ZFAT: variants seen among roughly 807,000 people sequenced by gnomAD.
ZFAT encodes zinc finger protein ZFAT.
ZFAT carries 64 observed loss-of-function variants against 117.7 expected under a neutral mutation model. That is an observed-to-expected ratio of 0.54 (90% CI 0.44 to 0.67). ZFAT has a LOEUF of 0.67. Ranked by LOEUF, ZFAT falls within the 30% of genes least tolerant of loss-of-function variation. The pLI, the probability that ZFAT is intolerant of heterozygous loss-of-function variation, is 0.00. For synonymous variants in ZFAT, 679 were observed against 615.0 expected (o/e 1.10, Z -1.54); for missense variants, 1,433 against 1,584.5 (o/e 0.90, Z 1.62).
intron 11 of ZFAT, among the ~76,000 whole-genome samples, chr8:134,533,758 T>C (rs1821608216): frequency 6.6e-6 from 1 of 152,180 alleles, no homozygotes; most frequent in South Asian, 2.1e-4. Flanking sequence ...TCTTGCACAA[T>C]GCTTCGGAGG....
chr8:134,831,679 C>T, the ZFAT span, among the ~76,000 whole-genome samples: 2 of 152,154 alleles, frequency 1.3e-5, no homozygotes, highest in Non-Finnish European at 1.5e-5. Flanking sequence ...CCCCCCACTT[C>T]ACGAGCCCCG....
chr8:134,541,457 C>G (rs968476533), intron 11 of ZFAT, among the ~76,000 whole-genome samples: 15 of 152,128 alleles, frequency 9.9e-5, no homozygotes, highest in African/African-American at 3.4e-4. Flanking sequence ...GCCCCTTCAC[C>G]CTGAACTTCA....
At chr8:134,625,329 A>G (rs1238954994) in intron 3 of ZFAT, among the ~76,000 whole-genome samples, 2 of 152,182 alleles carry the variant, frequency 1.3e-5, no homozygotes, top group Non-Finnish European at 2.9e-5. Context: ...CCAGACCTCA[A>G]ATGTGCCTGC....
chr8:134,499,561 G>A (rs1339559439), intron 15 of ZFAT, among the ~76,000 whole-genome samples: 1 of 151,040 alleles, frequency 6.6e-6, no homozygotes, highest in Admixed American at 6.6e-5. Flanking sequence ...TGGTAGGGTC[G>A]GGGTGGAGCT....
chr8:134,512,722 A>G (rs2130392418), intron 13 of ZFAT, 121 bp from the exon 14 acceptor site: 3 of 1,265,930 alleles, frequency 2.4e-6, no homozygotes, highest in Non-Finnish European at 3.2e-6. Context: ...GCAACATCTC[A>G]TTTACCTGGC....
chr8:134,723,185 G>C, the ZFAT span: 1 of 152,378 alleles, frequency 6.6e-6, no homozygotes, highest in East Asian at 1.9e-4. Context: ...TCCAATCCCT[G>C]GAGTAACAGG....
chr8:134,670,011 G>T (rs1190485742), intron 1 of ZFAT, among the ~76,000 whole-genome samples: 3 of 152,108 alleles, frequency 2.0e-5, no homozygotes, highest in Admixed American at 1.3e-4. Context: ...AAGAAGGCCA[G>T]TACATAATGG....
chr8:134,689,357 C>T (rs1405845646), intron 1 of ZFAT, among the ~76,000 whole-genome samples: 1 of 152,260 alleles, frequency 6.6e-6, no homozygotes, highest in African/African-American at 2.4e-5. Flanking sequence ...AGCGGTAACA[C>T]TGTCACTGCC....
At chr8:134,819,496 A>ACCCCCCCCCCCCCCCCCCCCC in the ZFAT span, among the ~76,000 whole-genome samples, 3 of 39,332 alleles carry the variant, frequency 7.6e-5, no homozygotes, top group Non-Finnish European at 1.4e-4. Flanking sequence ...CGGATTTACC[A>ACCCCCCCCCCCCCCCCCCCCC]CCCCCCCCCC....
intron 11 of ZFAT, among the ~76,000 whole-genome samples, chr8:134,543,378 G>A (rs944264578): frequency 1.8e-4 from 27 of 152,274 alleles, no homozygotes; most frequent in Non-Finnish European, 3.5e-4. Flanking sequence ...GCACATGCAG[G>A]AGATGTGCAG....
At chr8:134,482,676 G>A (rs1563757311) in intron 15 of ZFAT, among the ~76,000 whole-genome samples, 1 of 152,214 alleles carries the variant, frequency 6.6e-6, no homozygotes, top group African/African-American at 2.4e-5. Flanking sequence ...GAATCCCCAT[G>A]AAATTCATCC....
chr8:134,667,796 C>T (rs185258491), intron 1 of ZFAT, among the ~76,000 whole-genome samples: 15 of 152,064 alleles, frequency 9.9e-5, no homozygotes, highest in African/African-American at 2.9e-4. Flanking sequence ...GAGTGTGAGC[C>T]GAAGCAGGGC....
chr8:134,502,396 G>A (rs771443752), intron 15 of ZFAT, among the ~76,000 whole-genome samples: 3 of 152,250 alleles, frequency 2.0e-5, no homozygotes, highest in African/African-American at 4.8e-5. Flanking sequence ...CTTGCAAACA[G>A]GCAACTGGTG....
chr8:134,787,354 T>C, the ZFAT span, among the ~76,000 whole-genome samples: 7 of 152,228 alleles, frequency 4.6e-5, no homozygotes, highest in African/African-American at 1.7e-4. Flanking sequence ...TCTATATATA[T>C]GGTATCAAGG....
In ZFAT at chr8:134,659,756, C is replaced by T. The variant is rs187921573; in HGVS notation, c.20-2019G>A. On this transcript the variant is annotated intron_variant, in intron 1 of 15. Coordinates refer to ENST00000377838, the MANE Select transcript of ZFAT (RefSeq NM_020863.4). ...TCCTCTTTACAGTAAAACTCTCCTA[C>T]CAGAAAGAGGAAATGAGGAAAGGCA... Among the ~76,000 whole-genome samples the T allele has an allele frequency of 1.5e-3, 226 of 152,298 alleles. 1 individual carries two copies. The highest frequency in any genetic ancestry group is 5.1e-3 in the African/African-American group (210 of 41,558).
intron 9 of ZFAT, among the ~76,000 whole-genome samples, chr8:134,587,752 C>G (rs1826173177): frequency 6.6e-6 from 1 of 152,202 alleles, no homozygotes; most frequent in Admixed American, 6.5e-5. Context: ...CTTCTTCTCT[C>G]CATTCCCTCA....
chr8:134,484,444 C>G (rs1817531072), intron 15 of ZFAT, among the ~76,000 whole-genome samples: 1 of 152,216 alleles, frequency 6.6e-6, no homozygotes, highest in Non-Finnish European at 1.5e-5. Context: ...CAAACTCTGT[C>G]TGGCAGGAGC....
chr8:134,639,592 GC>G (rs1830468051), intron 2 of ZFAT, among the ~76,000 whole-genome samples: 1 of 152,222 alleles, frequency 6.6e-6, no homozygotes, highest in Admixed American at 6.5e-5. Flanking sequence ...AGGAGAACCA[GC>G]CTGTGTGCAA....
At position 134,645,192 on chromosome 8, in the gene ZFAT, G is replaced by A. The variant is rs111808083; in HGVS notation, c.197-7480C>T. Among the ~76,000 whole-genome samples the A allele has an allele frequency of 1.3e-4, 20 of 152,288 alleles. 1 individual carries two copies. Among genetic ancestry groups the A allele is most frequent in the African/African-American group, 4.3e-4 (18 of 41,554 alleles). On this transcript the variant is annotated intron_variant, in intron 2 of 15. Coordinates refer to ENST00000377838, the MANE Select transcript of ZFAT (RefSeq NM_020863.4). ...GATTTCAGTGGCTTCACGTTATAAC[G>A]AGAGACCAAAATAATAAATCAATTA...
Sources: allele counts gnomAD v4.1 joint callset (sites outside exome capture counted in the v4.1 genomes callset), GRCh38; gene constraint gnomAD v4.1.1; transcripts MANE v1.5; gene names NCBI Gene and HGNC (gene_info 2026-07-23, HGNC 2026-07-21).